The following AAGAB variants were observed in gnomAD, a reference collection of about 807,000 sequenced individuals.
AAGAB encodes alpha- and gamma-adaptin-binding protein p34.
AAGAB carries 38 observed loss-of-function variants against 44.1 expected under a neutral mutation model. The observed-to-expected ratio is 0.86, with a 90% CI of 0.67 to 1.13. The LOEUF (loss-of-function observed/expected upper bound fraction) is 1.13, where lower values mean the gene tolerates loss of function less well. Ranked by LOEUF, AAGAB falls within the 50% of genes most tolerant of loss-of-function variation. The probability of loss-of-function intolerance (pLI) is 0.00; values close to 1 mark genes in which losing one functional copy is unlikely to be tolerated. For missense variants in AAGAB, 450 were observed against 373.8 expected, an observed-to-expected ratio of 1.20 and a Z score of -1.68; for synonymous variants, 131 against 131.8, an observed-to-expected ratio of 0.99 and a Z score of 0.04.
At chr15:67,222,238 GCGCGCACACACACACACACACACACA>G (rs1416948915) in intron 5 of AAGAB, among the ~76,000 whole-genome samples, 4 of 45,836 alleles carry the variant, frequency 8.7e-5, no homozygotes, top group Non-Finnish European at 1.8e-4. Context: ...GCACGCGCGC[GCGCGCACACACACACACACACACACA>G]CACACACACA....
intron 6 of AAGAB, 115 bp downstream of exon 6, chr15:67,209,347 C>A: frequency 1.1e-6 from 1 of 924,736 alleles, no homozygotes; most frequent in South Asian, 1.5e-5. Context: ...CTATTTTTAA[C>A]ATTCTCTGTC....
chr15:67,237,510 A>AC (rs1964498620), intron 1 of AAGAB, among the ~76,000 whole-genome samples: 1 of 152,226 alleles, frequency 6.6e-6, no homozygotes, highest in Non-Finnish European at 1.5e-5. Flanking sequence ...TTGGAAATCT[A>AC]TGTGCAGCAT....
rs76485318 is a variant in AAGAB at position 67,222,714 on chromosome 15, C to T, written c.535+9100G>A. ...TGGCAAGTTTCCCTTCTCTCTCCTA[C>T]TTCATCCATTTTTCACCCTCTATTG... On this transcript the variant is annotated intron_variant, in intron 5 of 9. Transcript: ENST00000261880. 1.7e-4 allele frequency among the ~76,000 whole-genome samples: 26 copies of T among 152,250 alleles called. No individual in the cohort carries two copies. The East Asian group carries it at 4.2e-3, about 25-fold the overall frequency.
chr15:67,243,042 G>T (rs758005825), intron 1 of AAGAB, among the ~76,000 whole-genome samples: 1 of 152,116 alleles, frequency 6.6e-6, no homozygotes, highest in Non-Finnish European at 1.5e-5. Context: ...AGCTGAAGCA[G>T]AGGAAATCCA....
rs568322704 is a variant in AAGAB, at chr15:67,210,108, A to C, written c.536-564T>G. Among the ~76,000 whole-genome samples the C allele has an allele frequency of 2.0e-5, 3 of 152,388 alleles. No homozygotes were observed. The East Asian group carries it at 5.8e-4, about 29-fold the overall frequency. On this transcript the variant is annotated intron_variant, in intron 5 of 9. Coordinates refer to ENST00000261880, the MANE Select transcript of AAGAB (RefSeq NM_024666.5). ...TAACAGCACTAATGCTTTCATAGCC[A>C]CTATGAACTAATATTCCATTGTTTT...
chr15:67,231,120 G>A (rs12593940), intron 5 of AAGAB, among the ~76,000 whole-genome samples: 1 of 151,984 alleles, frequency 6.6e-6, no homozygotes, highest in Non-Finnish European at 1.5e-5. Flanking sequence ...GCTCACTGCA[G>A]CCTTGACTTC....
chr15:67,222,240 GCGCACACACACACACACA>G (rs1964090804), intron 5 of AAGAB, among the ~76,000 whole-genome samples: 2 of 88,194 alleles, frequency 2.3e-5, no homozygotes, highest in African/African-American at 6.7e-5. Context: ...ACGCGCGCGC[GCGCACACACACACACACA>G]CACACACACA....
intron 5 of AAGAB, among the ~76,000 whole-genome samples, chr15:67,228,180 A>G (rs917925180): frequency 5.3e-5 from 8 of 152,254 alleles, no homozygotes; most frequent in Admixed American, 2.0e-4. Context: ...TCTTTAATAT[A>G]TGAACTTGGG....
chr15:67,246,136 T>G (rs1030479294), intron 1 of AAGAB, among the ~76,000 whole-genome samples: 15 of 152,288 alleles, frequency 9.8e-5, no homozygotes, highest in African/African-American at 3.4e-4. Context: ...ACCCCAGCAC[T>G]TTGGGAGGCC....
intron 5 of AAGAB, chr15:67,221,197 G>A (rs1451273828): frequency 6.6e-6 from 1 of 152,050 alleles, no homozygotes; most frequent in Non-Finnish European, 1.5e-5. Context: ...CACCTCCTAG[G>A]GAGACTAGGA....
At chr15:67,219,697 G>C (rs990481236) in intron 5 of AAGAB, among the ~76,000 whole-genome samples, 2 of 151,824 alleles carry the variant, frequency 1.3e-5, no homozygotes, top group African/African-American at 4.8e-5. Context: ...ACGATCTATG[G>C]GGCAATGGAA....
chr15:67,236,768 C>G lies in AAGAB; in HGVS notation c.126G>C (p.Val42=), dbSNP rs1567027714. The part of the protein sequence containing the change: ...LIVEVTSNDA[V]RFYPWTIDNK... ...TATCAATGGTCCAGGGATAAAATCT[C>G]ACAGCATCATTGGAAGTCACTTCCA... Residue 42 remains valine, a synonymous_variant, in exon 2 of 10, where the codon GTG becomes GTC. Coordinates refer to ENST00000261880, the MANE Select transcript of AAGAB (RefSeq NM_024666.5). The G allele has an allele frequency of 1.2e-6, 2 of 1,612,544 alleles. No individual in the cohort carries two copies. The highest frequency in any genetic ancestry group is 1.7e-6 in the Non-Finnish European group (2 of 1,179,428).
chr15:67,246,277 G>T (rs939113365), intron 1 of AAGAB, among the ~76,000 whole-genome samples: 2 of 151,842 alleles, frequency 1.3e-5, no homozygotes, highest in Non-Finnish European at 2.9e-5. Context: ...GCTACTTGCG[G>T]TGGGGTCGGG....
chr15:67,237,803 C>T (rs931679321), intron 1 of AAGAB, among the ~76,000 whole-genome samples: 9 of 152,144 alleles, frequency 5.9e-5, no homozygotes, highest in African/African-American at 1.7e-4. Flanking sequence ...ACAAACTCCT[C>T]GTCAATGCAT....
At chr15:67,207,904 A>T (rs554758332) in intron 7 of AAGAB, among the ~76,000 whole-genome samples, 3 of 152,248 alleles carry the variant, frequency 2.0e-5, no homozygotes, top group Non-Finnish European at 4.4e-5. Context: ...AGTTTTCTAC[A>T]TGAATTATCT....
At chr15:67,241,147 C>T (rs1482761738) in intron 1 of AAGAB, among the ~76,000 whole-genome samples, 3 of 152,014 alleles carry the variant, frequency 2.0e-5, no homozygotes, top group Non-Finnish European at 4.4e-5. Flanking sequence ...CCAAAAAAGA[C>T]AAATGCATTC....
chr15:67,218,889 G>A (rs544376018), intron 5 of AAGAB, among the ~76,000 whole-genome samples: 1 of 152,130 alleles, frequency 6.6e-6, no homozygotes, highest in Non-Finnish European at 1.5e-5. Context: ...CAAACTTTGA[G>A]GTTAAGGAAA....
Position 67,235,972 on chromosome 15 carries a change from C to A in AAGAB, c.451+7G>T. The A allele has an allele frequency of 6.3e-7, 1 of 1,589,088 alleles. No individual in the cohort carries two copies. The highest frequency in any genetic ancestry group is 8.6e-7 in the Non-Finnish European group (1 of 1,160,798). The stretch of plus-strand genomic sequence containing the variant: ...GCCATATTTTCTCCTAACACATAAA[C>A]ACTTACCATCCTCCTCAGGCAACTC... On this transcript the variant is annotated splice_region_variant and intron_variant, in intron 4 of 9. Coordinates refer to ENST00000261880, the MANE Select transcript of AAGAB (RefSeq NM_024666.5).
At chr15:67,218,326 G>A (rs1048744931) in intron 5 of AAGAB, among the ~76,000 whole-genome samples, 2 of 152,208 alleles carry the variant, frequency 1.3e-5, no homozygotes, top group Non-Finnish European at 2.9e-5. Flanking sequence ...ACTTGTTAGT[G>A]CTCAGGTGAT....
Sources: gnomAD v4.1 joint callset for allele counts (sites outside exome capture counted in the v4.1 genomes callset) on GRCh38, gnomAD v4.1.1 for gene constraint, MANE v1.5 for transcripts, NCBI Gene and HGNC (gene_info 2026-07-23, HGNC 2026-07-21) for gene names.